The following MTMR7 variants were observed in gnomAD, a reference collection of about 807,000 sequenced individuals.
MTMR7 encodes phosphatidylinositol-3-phosphate phosphatase MTMR7.
MTMR7 carries 76 observed loss-of-function variants against 81.2 expected under a neutral mutation model. The observed-to-expected ratio is 0.94, with a 90% CI of 0.78 to 1.13. The LOEUF (loss-of-function observed/expected upper bound fraction) is 1.13, where lower values mean the gene tolerates loss of function less well. Ranked by LOEUF, MTMR7 falls within the 50% of genes most tolerant of loss-of-function variation. The pLI is 0.00. For missense variants in MTMR7, 1,044 were observed against 820.0 expected (o/e 1.27, Z -3.34); for synonymous variants, 372 against 289.8 (o/e 1.28, Z -2.88).
At chr8:17,404,696 T>C (rs1395209989) in intron 1 of MTMR7, among the ~76,000 whole-genome samples, 2 of 152,102 alleles carry the variant, frequency 1.3e-5, no homozygotes, top group South Asian at 4.1e-4. Flanking sequence ...AAAATATATA[T>C]AGAAATGAAA....
intron 7 of MTMR7, among the ~76,000 whole-genome samples, chr8:17,324,010 T>C (rs561355273): frequency 6.6e-6 from 1 of 152,198 alleles, no homozygotes; most frequent in Non-Finnish European, 1.5e-5. Flanking sequence ...TATTCTCTCA[T>C]TAAATAACCT....
At chr8:17,330,020 C>G (rs1277406791) in intron 7 of MTMR7, among the ~76,000 whole-genome samples, 3 of 152,166 alleles carry the variant, frequency 2.0e-5, no homozygotes, top group Non-Finnish European at 4.4e-5. Flanking sequence ...TTGGCCTAAT[C>G]CTGTCATTCT....
Position 17,304,509 on chromosome 8 carries a change from T to G in MTMR7, c.1363A>C (p.Arg455=), listed in dbSNP as rs575439089. Reference sequence around the variant, plus strand: ...AGGTGAGCCCATAATGAGTATGTTCTTTCTTGAATCCTGTTATAAAGAAAA... The same window carrying G: ...AGGTGAGCCCATAATGAGTATGTTCGTTCTTGAATCCTGTTATAAAGAAAA... The part of the protein sequence containing the change: ...KERRELKIQE[R]TYSLWAHLWK... The change falls in exon 12 of 14, where the codon AGA becomes CGA. Residue 455 remains arginine, a synonymous_variant. Transcript: ENST00000180173. 6.2e-7 allele frequency: 1 copy of G among 1,613,216 alleles called. No individual in the cohort carries two copies. The highest frequency in any genetic ancestry group is 1.1e-5 in the South Asian group (1 of 91,040).
At chr8:17,322,404 T>C (rs955571897) in intron 7 of MTMR7, among the ~76,000 whole-genome samples, 1 of 152,252 alleles carries the variant, frequency 6.6e-6, no homozygotes, top group African/African-American at 2.4e-5. Context: ...TATATGAATG[T>C]GAATTTTTGT....
chr8:17,411,245 A>C (rs1307796737), intron 1 of MTMR7, among the ~76,000 whole-genome samples: 1 of 152,228 alleles, frequency 6.6e-6, no homozygotes, highest in Non-Finnish European at 1.5e-5. Context: ...TATTTATACA[A>C]GTACATGACC....
chr8:17,393,350 A>G (rs150803419), intron 1 of MTMR7, among the ~76,000 whole-genome samples: 1 of 152,186 alleles, frequency 6.6e-6, no homozygotes, highest in South Asian at 2.1e-4. Context: ...TATGGCACCT[A>G]AAGTATGAGC....
chr8:17,399,003 A>G (rs1164410012), intron 1 of MTMR7, among the ~76,000 whole-genome samples: 1 of 152,180 alleles, frequency 6.6e-6, no homozygotes, highest in Non-Finnish European at 1.5e-5. Context: ...GACATATACA[A>G]CAGACTCACA....
At chr8:17,345,204 A>G (rs1001660494) in intron 5 of MTMR7, among the ~76,000 whole-genome samples, 4 of 152,216 alleles carry the variant, frequency 2.6e-5, no homozygotes, top group Non-Finnish European at 5.9e-5. Context: ...AGGGCCTCAA[A>G]TGGCCTCACT....
chr8:17,393,619 G>A (rs557116986), intron 1 of MTMR7, among the ~76,000 whole-genome samples: 6 of 152,270 alleles, frequency 3.9e-5, no homozygotes, highest in Admixed American at 2.6e-4. Flanking sequence ...AACATTGCAT[G>A]TTTTCACTTG....
At chr8:17,340,777 C>T (rs532478884) in intron 6 of MTMR7, among the ~76,000 whole-genome samples, 6 of 152,300 alleles carry the variant, frequency 3.9e-5, no homozygotes, top group South Asian at 4.1e-4. Flanking sequence ...AAGCCCTCTA[C>T]GTCCGCAAAT....
chr8:17,308,959 T>G (rs1817638933), intron 10 of MTMR7, among the ~76,000 whole-genome samples: 1 of 152,218 alleles, frequency 6.6e-6, no homozygotes, highest in African/African-American at 2.4e-5. Context: ...TCTCTGGACT[T>G]CTAAAATGGA....
chr8:17,306,869 C>G (rs1457138016), intron 10 of MTMR7, among the ~76,000 whole-genome samples: 2 of 152,150 alleles, frequency 1.3e-5, no homozygotes, highest in Non-Finnish European at 2.9e-5. Flanking sequence ...CTTCTTTGCA[C>G]CTTATACAAA....
At chr8:17,408,785 C>G (rs1821665141) in intron 1 of MTMR7, among the ~76,000 whole-genome samples, 1 of 152,044 alleles carries the variant, frequency 6.6e-6, no homozygotes, top group South Asian at 2.1e-4. Context: ...TATCATCAAG[C>G]CTAACTACTA....
In MTMR7 at chr8:17,373,396, G is replaced by T. The variant is rs892931196; in HGVS notation, c.25-156C>A. Among the ~76,000 whole-genome samples, 15 of 152,174 alleles carry T rather than the reference G, an allele frequency of 9.9e-5. No individual in the cohort carries two copies. The East Asian group carries it at 2.9e-3, about 29-fold the overall frequency. Reference sequence around the variant, plus strand: ...CAAAAACTTCCCCTTAAGTTAATCGGATCTCAGAGTAGGATTGTGTATATT... The same window carrying T: ...CAAAAACTTCCCCTTAAGTTAATCGTATCTCAGAGTAGGATTGTGTATATT... On this transcript the variant is annotated intron_variant, in intron 1 of 13. Coordinates refer to ENST00000180173, the MANE Select transcript of MTMR7 (RefSeq NM_004686.5).
chr8:17,398,964 T>C (rs1186779629), intron 1 of MTMR7, among the ~76,000 whole-genome samples: 3 of 152,156 alleles, frequency 2.0e-5, no homozygotes, highest in Non-Finnish European at 4.4e-5. Context: ...GGGTTGAGGA[T>C]AGAAGGAACA....
At chr8:17,363,443 A>G (rs1207168455) in intron 3 of MTMR7, among the ~76,000 whole-genome samples, 3 of 152,224 alleles carry the variant, frequency 2.0e-5, no homozygotes, top group Non-Finnish European at 4.4e-5. Context: ...ATGACTACTG[A>G]CAGTTTTCTG....
Position 17,296,963 on chromosome 8 carries a change from C to G in MTMR7, c.*2899G>C, listed in dbSNP as rs1816697901. The G allele has an allele frequency of 6.6e-6, 1 of 152,064 alleles. No individual in the cohort carries two copies. The highest frequency in any genetic ancestry group is 1.5e-5 in the Non-Finnish European group (1 of 68,002). 9.4% of individuals were successfully genotyped at this position (152,064 alleles called of 1,614,324 possible). A position where few individuals can be genotyped will look rare whatever the true frequency, so the allele number is the denominator to read the frequency against. The stretch of plus-strand genomic sequence containing the variant: ...TTTACATAAAGGTTATGTATGTCAC[C>G]CACGATGAAAAGAATCTGCATTTGA... On this transcript the variant is annotated 3_prime_UTR_variant, in exon 14 of 14. Transcript: ENST00000180173.
chr8:17,354,662 A>G (rs1355142343), intron 4 of MTMR7, among the ~76,000 whole-genome samples: 1 of 152,158 alleles, frequency 6.6e-6, no homozygotes, highest in East Asian at 1.9e-4. Context: ...ACACTTCCTG[A>G]CCCACCGACC....
At chr8:17,343,146 G>T (rs1364326474) in intron 5 of MTMR7, among the ~76,000 whole-genome samples, 1 of 152,170 alleles carries the variant, frequency 6.6e-6, no homozygotes, top group Non-Finnish European at 1.5e-5. Context: ...ATATTAGTTA[G>T]CCCAGTGTGG....
Sources: gnomAD v4.1 joint callset for allele counts (sites outside exome capture counted in the v4.1 genomes callset) on GRCh38, gnomAD v4.1.1 for gene constraint, MANE v1.5 for transcripts, NCBI Gene and HGNC (gene_info 2026-07-23, HGNC 2026-07-21) for gene names.